SLC25A48: variants seen among roughly 807,000 people sequenced by gnomAD.
SLC25A48 encodes the protein CTC-321K16.1.
A neutral mutation model predicts 32.2 loss-of-function variants in SLC25A48; 29 were observed. The observed-to-expected ratio is 0.90, with a 90% CI of 0.67 to 1.23. The LOEUF is 1.23. Ranked by LOEUF, SLC25A48 falls within the 50% of genes most tolerant of loss-of-function variation. The pLI, the probability that SLC25A48 is intolerant of heterozygous loss-of-function variation, is 0.00. For synonymous variants in SLC25A48, 164 were observed against 172.3 expected (o/e 0.95, Z 0.38); for missense variants, 399 against 422.7 (o/e 0.94, Z 0.49).
intron 7 of SLC25A48, among the ~76,000 whole-genome samples, chr5:135,884,758 G>A (rs1039723318): frequency 6.6e-6 from 1 of 152,156 alleles, no homozygotes; most frequent in African/African-American, 2.4e-5. Context: ...ATTTCCCGGT[G>A]CGAGGCATGC....
chr5:135,749,031 T>C (rs1755707687), intron 3 of SLC25A48, among the ~76,000 whole-genome samples: 1 of 152,184 alleles, frequency 6.6e-6, no homozygotes. Flanking sequence ...GGTGCCTGGC[T>C]GAGACAGGTC....
At chr5:135,589,929 C>T (rs574810788) in intron 1 of SLC25A48, among the ~76,000 whole-genome samples, 5 of 152,192 alleles carry the variant, frequency 3.3e-5, no homozygotes, top group Admixed American at 6.5e-5. Flanking sequence ...CACCTGACCT[C>T]AGGTGATCCA....
intron 7 of SLC25A48, among the ~76,000 whole-genome samples, chr5:135,881,426 A>G (rs534801928): frequency 3.9e-5 from 6 of 152,356 alleles, no homozygotes; most frequent in African/African-American, 1.4e-4. Context: ...TCAGCCCAGG[A>G]CAAGCCCCAG....
chr5:135,608,049 G>T (rs979891661), intron 1 of SLC25A48, among the ~76,000 whole-genome samples: 2 of 152,042 alleles, frequency 1.3e-5, no homozygotes, highest in Non-Finnish European at 2.9e-5. Flanking sequence ...AATGCAAGCA[G>T]TTGAAGAAAT....
At chr5:135,884,571 G>T (rs1483784463) in intron 7 of SLC25A48, among the ~76,000 whole-genome samples, 1 of 151,970 alleles carries the variant, frequency 6.6e-6, no homozygotes, top group Non-Finnish European at 1.5e-5. Flanking sequence ...CATTGGAGAG[G>T]CTCTATTGAT....
intron 3 of SLC25A48, among the ~76,000 whole-genome samples, chr5:135,764,934 A>G (rs1756167760): frequency 6.6e-6 from 1 of 151,662 alleles, no homozygotes; most frequent in Non-Finnish European, 1.5e-5. Flanking sequence ...AGAGAGAATG[A>G]TAGTACTCCC....
chr5:135,604,444 G>A (rs1165168977), intron 1 of SLC25A48, among the ~76,000 whole-genome samples: 1 of 152,182 alleles, frequency 6.6e-6, no homozygotes, highest in Non-Finnish European at 1.5e-5. Flanking sequence ...AAGAATAAGT[G>A]GAGAACCGGC....
At chr5:135,649,981 T>C (rs1365398189) in intron 3 of SLC25A48, 1 of 173,104 alleles carries the variant, frequency 5.8e-6, no homozygotes, top group African/African-American at 2.4e-5. Context: ...AGTGAATTAA[T>C]GCAGCCTTTC....
At chr5:135,637,381 A>G (rs1752729626) in intron 3 of SLC25A48, among the ~76,000 whole-genome samples, 1 of 152,044 alleles carries the variant, frequency 6.6e-6, no homozygotes, top group Admixed American at 6.6e-5. Flanking sequence ...CATGCCTCCC[A>G]CTTCTTGGAA....
intron 1 of SLC25A48, among the ~76,000 whole-genome samples, chr5:135,598,726 G>C (rs1461476642): frequency 6.6e-6 from 1 of 152,176 alleles, no homozygotes; most frequent in Non-Finnish European, 1.5e-5. Flanking sequence ...AAGCAAACAT[G>C]CATGTTATAT....
At chr5:135,646,104 T>C (rs976313867) in intron 3 of SLC25A48, among the ~76,000 whole-genome samples, 1 of 152,170 alleles carries the variant, frequency 6.6e-6, no homozygotes, top group Non-Finnish European at 1.5e-5. Flanking sequence ...AGAAAGAATT[T>C]TCCCTTAGTA....
chr5:135,867,881 A>C (rs1761326842), intron 4 of SLC25A48, among the ~76,000 whole-genome samples: 2 of 152,218 alleles, frequency 1.3e-5, no homozygotes, highest in South Asian at 4.1e-4. Context: ...TGTAAGTTAC[A>C]ACCACTGCCC....
intron 4 of SLC25A48, among the ~76,000 whole-genome samples, chr5:135,868,730 A>G (rs991891482): frequency 6.6e-5 from 10 of 152,198 alleles, no homozygotes; most frequent in Non-Finnish European, 1.5e-4. Context: ...TGGGAAGAAA[A>G]GAAGAAAAAG....
At chr5:135,642,809 A>G (rs1312626610) in intron 3 of SLC25A48, among the ~76,000 whole-genome samples, 1 of 152,208 alleles carries the variant, frequency 6.6e-6, no homozygotes, top group Non-Finnish European at 1.5e-5. Flanking sequence ...GATGAGATGA[A>G]AATGCTCTTG....
intron 4 of SLC25A48, among the ~76,000 whole-genome samples, chr5:135,854,939 C>A (rs1760181422): frequency 6.6e-6 from 1 of 152,190 alleles, no homozygotes; most frequent in Non-Finnish European, 1.5e-5. Flanking sequence ...TGTAGAATTA[C>A]AAACTGGCCT....
At chr5:135,884,244 T>C (rs145449025) in intron 7 of SLC25A48, among the ~76,000 whole-genome samples, 5 of 152,330 alleles carry the variant, frequency 3.3e-5, no homozygotes, top group African/African-American at 1.2e-4. Flanking sequence ...TCTGTCTTAA[T>C]AGACCGAAGA....
chr5:135,646,672 T>TAC (rs1337294150), intron 3 of SLC25A48, among the ~76,000 whole-genome samples: 11 of 146,344 alleles, frequency 7.5e-5, no homozygotes, highest in African/African-American at 2.8e-4. Context: ...TATATATATA[T>TAC]ATATATACAA....
intron 7 of SLC25A48, among the ~76,000 whole-genome samples, chr5:135,882,249 C>G (rs1762529791): frequency 6.6e-6 from 1 of 152,252 alleles, no homozygotes; most frequent in Non-Finnish European, 1.5e-5. Flanking sequence ...TCATCTTAAA[C>G]AAGTCTTGCC....
At chr5:135,601,734 C>T (rs1482223352) in intron 1 of SLC25A48, among the ~76,000 whole-genome samples, 3 of 152,208 alleles carry the variant, frequency 2.0e-5, no homozygotes, top group Non-Finnish European at 4.4e-5. Context: ...CTATTCATCT[C>T]CCAACAGCTG....
Sources: allele counts gnomAD v4.1 joint callset (sites outside exome capture counted in the v4.1 genomes callset), GRCh38; gene constraint gnomAD v4.1.1; transcripts MANE v1.5; gene names NCBI Gene and HGNC (gene_info 2026-07-23, HGNC 2026-07-21).